GTF2IRD1: variants seen among roughly 807,000 people sequenced by gnomAD.
GTF2IRD1 encodes the protein general transcription factor II-I repeat domain-containing protein 1.
In GTF2IRD1, 26 loss-of-function variants were observed where a neutral mutation model predicts 113.2. The observed-to-expected ratio is 0.23, with a 90% CI of 0.17 to 0.32. The LOEUF is 0.32. Among genes scored for constraint, GTF2IRD1 ranks in the 10% least tolerant of loss-of-function variants. The pLI is 1.00. For missense variants in GTF2IRD1, 864 were observed against 1,280.8 expected (o/e 0.67, Z 4.97); for synonymous variants, 484 against 529.1 (o/e 0.91, Z 1.17).
At chr7:74,563,173 T>C (rs1303835646) in intron 22 of GTF2IRD1, among the ~76,000 whole-genome samples, 6 of 144,834 alleles carry the variant, frequency 4.1e-5, no homozygotes, top group African/African-American at 1.5e-4. Context: ...GGGATCTCGG[T>C]GCAAAGATGG....
chr7:74,586,987 T>C (rs372912582), intron 22 of GTF2IRD1, among the ~76,000 whole-genome samples: 4 of 151,764 alleles, frequency 2.6e-5, no homozygotes, highest in African/African-American at 2.4e-5. Flanking sequence ...CTACAAAAAA[T>C]TTTAAAAAAA....
intron 22 of GTF2IRD1, among the ~76,000 whole-genome samples, chr7:74,560,783 A>G (rs2130794219): frequency 6.6e-6 from 1 of 151,672 alleles, no homozygotes. Flanking sequence ...GTTTCACCAT[A>G]TTGGCTAGGC....
chr7:74,544,317 C>T (rs1464798763), intron 14 of GTF2IRD1, among the ~76,000 whole-genome samples: 1 of 152,212 alleles, frequency 6.6e-6, no homozygotes, highest in Non-Finnish European at 1.5e-5. Flanking sequence ...TCCCGAGTAG[C>T]TGGGATTACA....
chr7:74,547,293 C>G lies in GTF2IRD1; in HGVS notation c.1916+7C>G, dbSNP rs181232198. The stretch of plus-strand genomic sequence containing the variant: ...TCCAGTTTGTCATCAAGAGGTAAGG[C>G]CCAACCAGGTCCATGGGAGACAGCA... On this transcript the variant is annotated splice_region_variant and intron_variant, in intron 17 of 26. Coordinates refer to ENST00000424337, the MANE Select transcript of GTF2IRD1 (RefSeq NM_005685.4). 105 of 1,599,962 alleles carry G rather than the reference C, an allele frequency of 6.6e-5. 1 individual carries two copies. In the African/African-American group the frequency reaches 9.6e-4, roughly 15 times the overall value.
intron 1 of GTF2IRD1, among the ~76,000 whole-genome samples, chr7:74,472,145 C>T (rs998221206): frequency 6.6e-6 from 1 of 152,228 alleles, no homozygotes; most frequent in Non-Finnish European, 1.5e-5. Context: ...TTCACCATCT[C>T]ATTTGTTCTA....
intron 1 of GTF2IRD1, among the ~76,000 whole-genome samples, chr7:74,459,217 C>T (rs1405942102): frequency 1.2e-4 from 18 of 152,024 alleles, no homozygotes; most frequent in African/African-American, 9.7e-5. Flanking sequence ...CTTTGCACTT[C>T]GGGAGACCGA....
chr7:74,545,611 C>A, intron 15 of GTF2IRD1, 133 bp from the exon 16 acceptor site: 1 of 676,218 alleles, frequency 1.5e-6, no homozygotes, highest in East Asian at 2.6e-5. Context: ...AAATAAGTTA[C>A]CCACCGCCCC....
intron 7 of GTF2IRD1, among the ~76,000 whole-genome samples, chr7:74,523,116 G>A (rs782565777): frequency 1.3e-5 from 2 of 152,220 alleles, no homozygotes; most frequent in Non-Finnish European, 2.9e-5. Flanking sequence ...CCACTCAGGA[G>A]GCTGAAATGG....
At chr7:74,544,655 C>T (rs1798821166) in intron 14 of GTF2IRD1, 100 bp from the exon 15 acceptor site, 1 of 1,209,960 alleles carries the variant, frequency 8.3e-7, no homozygotes, top group Non-Finnish European at 1.2e-6. Context: ...GAGTTGGGGC[C>T]CCCTGGCCTG....
chr7:74,564,305 G>A (rs1308614164), intron 22 of GTF2IRD1, among the ~76,000 whole-genome samples: 1 of 152,178 alleles, frequency 6.6e-6, no homozygotes, highest in Non-Finnish European at 1.5e-5. Flanking sequence ...GGGATTACAG[G>A]CGTGAGCCAC....
chr7:74,570,132 C>T (rs1294937726), intron 22 of GTF2IRD1, among the ~76,000 whole-genome samples: 2 of 151,928 alleles, frequency 1.3e-5, no homozygotes, highest in African/African-American at 2.4e-5. Flanking sequence ...GAGGCTGAGG[C>T]GGGTAGATCA....
intron 22 of GTF2IRD1, among the ~76,000 whole-genome samples, chr7:74,561,314 A>G (rs782006923): frequency 1.3e-4 from 18 of 143,090 alleles, no homozygotes; most frequent in Non-Finnish European, 2.0e-4. Context: ...GCGCGACTGC[A>G]CTCCACCTTG....
intron 1 of GTF2IRD1, among the ~76,000 whole-genome samples, chr7:74,459,235 G>A (rs542528569): frequency 1.5e-4 from 23 of 152,192 alleles, no homozygotes; most frequent in Admixed American, 3.3e-4. Context: ...CGAGGCGGGC[G>A]GATCACCTGA....
intron 2 of GTF2IRD1, among the ~76,000 whole-genome samples, chr7:74,509,163 C>T (rs1044296468): frequency 7.9e-5 from 12 of 152,050 alleles, no homozygotes; most frequent in Non-Finnish European, 1.8e-4. Flanking sequence ...TCGAGACCAG[C>T]CTGGCCAACA....
intron 14 of GTF2IRD1, 44 bp downstream of exon 14, chr7:74,540,012 C>CT: frequency 7.0e-7 from 1 of 1,426,284 alleles, no homozygotes; most frequent in Non-Finnish European, 9.9e-7. Context: ...ACTCAGCTCT[C>CT]CAGGGAGCAA....
intron 26 of GTF2IRD1, chr7:74,601,948 A>T (rs1218503492): frequency 6.2e-6 from 1 of 162,520 alleles, no homozygotes; most frequent in African/African-American, 2.4e-5. Flanking sequence ...CATCTCAAAA[A>T]TAAATAAATA....
chr7:74,520,395 C>A (rs915621668), intron 6 of GTF2IRD1, among the ~76,000 whole-genome samples: 3 of 152,110 alleles, frequency 2.0e-5, no homozygotes, highest in Non-Finnish European at 2.9e-5. Context: ...GGGCAAATCT[C>A]TACTCTCTGA....
At chr7:74,573,528 C>G (rs1487089410) in intron 22 of GTF2IRD1, among the ~76,000 whole-genome samples, 1 of 152,134 alleles carries the variant, frequency 6.6e-6, no homozygotes, top group Non-Finnish European at 1.5e-5. Flanking sequence ...ACCCTTTCCC[C>G]AGCGAAGACC....
chr7:74,510,836 G>T (rs1796588423), intron 2 of GTF2IRD1, among the ~76,000 whole-genome samples: 1 of 151,618 alleles, frequency 6.6e-6, no homozygotes, highest in East Asian at 2.0e-4. Context: ...ATCACTTGAG[G>T]CCAGGAGTTT....
Sources: gnomAD v4.1 joint callset for allele counts (sites outside exome capture counted in the v4.1 genomes callset) on GRCh38, gnomAD v4.1.1 for gene constraint, MANE v1.5 for transcripts, NCBI Gene and HGNC (gene_info 2026-07-23, HGNC 2026-07-21) for gene names.